Variants in C12orf42 observed in about 807,000 individuals in gnomAD.
C12orf42 encodes chromosome 12 open reading frame 42.
A neutral mutation model predicts 21.6 loss-of-function variants in C12orf42; 25 were observed. The observed-to-expected ratio is 1.16, with a 90% CI of 0.84 to 1.62. The LOEUF (loss-of-function observed/expected upper bound fraction) is 1.62, where lower values mean the gene tolerates loss of function less well. Ranked by LOEUF, C12orf42 falls within the 40% of genes most tolerant of loss-of-function variation. The pLI is 0.00. For synonymous variants in C12orf42, 174 were observed against 175.0 expected (o/e 0.99, Z 0.05); for missense variants, 483 against 459.3 (o/e 1.05, Z -0.47).
downstream of C12orf42, among the ~76,000 whole-genome samples, chr12:103,298,787 A>G (rs1048663655): frequency 3.3e-5 from 5 of 152,188 alleles, no homozygotes; most frequent in African/African-American, 9.6e-5. Flanking sequence ...GATTTTGGTC[A>G]GTTCCAATAA....
chr12:103,452,724 C>CA (rs1182415184), intron 2 of C12orf42, among the ~76,000 whole-genome samples: 1 of 152,008 alleles, frequency 6.6e-6, no homozygotes, highest in African/African-American at 2.4e-5. Context: ...ATGTCCTTTG[C>CA]AGGGACATGG....
chr12:103,336,781 C>T (rs894145792), intron 4 of C12orf42, among the ~76,000 whole-genome samples: 4 of 152,072 alleles, frequency 2.6e-5, no homozygotes, highest in South Asian at 2.1e-4. Context: ...AAAAATGCAT[C>T]GCTGGGAAAA....
the C12orf42 span, among the ~76,000 whole-genome samples, chr12:103,117,724 A>G: frequency 7.2e-5 from 11 of 152,314 alleles, no homozygotes; most frequent in African/African-American, 1.9e-4. Flanking sequence ...TGCTTTCCAT[A>G]GTGGTGGAGG....
chr12:103,087,572 G>C, the C12orf42 span, among the ~76,000 whole-genome samples: 1 of 152,320 alleles, frequency 6.6e-6, no homozygotes, highest in East Asian at 1.9e-4. Flanking sequence ...TCTGAGAGTG[G>C]TTTACAATAA....
At chr12:103,071,343 G>T in the C12orf42 span, among the ~76,000 whole-genome samples, 2 of 151,966 alleles carry the variant, frequency 1.3e-5, no homozygotes, top group African/African-American at 4.8e-5. Context: ...ATAAATACAC[G>T]CAGAGACTCT....
At chr12:103,478,574 C>A in intron 1 of C12orf42, 127 bp from the exon 2 acceptor site, 15 of 403,744 alleles carry the variant, frequency 3.7e-5, no homozygotes, top group Non-Finnish European at 4.7e-5. Flanking sequence ...TTGCCAGTGA[C>A]TTTCAATAAT....
the C12orf42 span, among the ~76,000 whole-genome samples, chr12:103,207,468 G>C: frequency 6.6e-6 from 1 of 152,190 alleles, no homozygotes; most frequent in Admixed American, 6.5e-5. Context: ...GCACAGATGT[G>C]CTCACATTCA....
the C12orf42 span, among the ~76,000 whole-genome samples, chr12:103,536,347 T>C: frequency 6.6e-6 from 1 of 152,080 alleles, no homozygotes; most frequent in Admixed American, 6.5e-5. Context: ...AGTGGTAATA[T>C]CAGGTAAAGG....
At chr12:103,238,227 CT>C (rs112024543) in intron 10 of C12orf42, among the ~76,000 whole-genome samples, 715 of 144,602 alleles carry the variant, frequency 4.9e-3, no homozygotes, top group Middle Eastern at 0.014. Flanking sequence ...CGGCTACATC[CT>C]TTTTTTTTTT....
Position 103,473,033 on chromosome 12 carries a change from T to C in C12orf42, c.78+5316A>G, listed in dbSNP as rs117420240. 3.3e-3 allele frequency among the ~76,000 whole-genome samples: 502 copies of C among 152,314 alleles called. 4 individuals carry two copies. The highest frequency in any genetic ancestry group is 6.2e-3 in the Non-Finnish European group (424 of 68,026). On this transcript the variant is annotated intron_variant, in intron 2 of 5. Coordinates refer to ENST00000548883, the MANE Select transcript of C12orf42 (RefSeq NM_198521.5). ...GGATGCCCAAAATATTCTCATGCTA[T>C]AAATCTCAGAGGAAGGCAGTGTGAG...
chr12:103,385,103 C>G (rs1050739345), intron 3 of C12orf42, among the ~76,000 whole-genome samples: 15 of 152,272 alleles, frequency 9.9e-5, no homozygotes, highest in African/African-American at 3.4e-4. Context: ...TCCCAAAACC[C>G]AGAGACGGTT....
chr12:103,516,974 T>C, the C12orf42 span, among the ~76,000 whole-genome samples: 1 of 152,276 alleles, frequency 6.6e-6, no homozygotes, highest in East Asian at 1.9e-4. Context: ...CTGAGAGCTA[T>C]TAAAGGGACT....
the C12orf42 span, among the ~76,000 whole-genome samples, chr12:103,215,608 G>A: frequency 2.6e-5 from 4 of 152,204 alleles, no homozygotes; most frequent in Non-Finnish European, 5.9e-5. Flanking sequence ...TCCTGGATAA[G>A]AGATTCTGCT....
At chr12:103,475,089 T>A (rs1953941621) in intron 2 of C12orf42, among the ~76,000 whole-genome samples, 1 of 152,208 alleles carries the variant, frequency 6.6e-6, no homozygotes, top group African/African-American at 2.4e-5. Flanking sequence ...TCCTCATTGG[T>A]GGAACCATGT....
intron 3 of C12orf42, 135 bp from the exon 4 acceptor site, chr12:103,369,133 TGAAAC>T: frequency 1.8e-6 from 1 of 550,234 alleles, no homozygotes; most frequent in Non-Finnish European, 3.3e-6. Context: ...ATTCTTTAAA[TGAAAC>T]AATCCTGAAA....
intron 2 of C12orf42, among the ~76,000 whole-genome samples, chr12:103,437,118 A>T (rs1421644832): frequency 6.6e-6 from 1 of 151,748 alleles, no homozygotes; most frequent in Non-Finnish European, 1.5e-5. Context: ...AAACCGCTCA[A>T]CTACATGGAA....
At chr12:103,272,044 T>C (rs975510105) in intron 5 of C12orf42, among the ~76,000 whole-genome samples, 1 of 152,166 alleles carries the variant, frequency 6.6e-6, no homozygotes, top group Admixed American at 6.5e-5. Context: ...ATTTACATGA[T>C]TGGCCAACTC....
At chr12:103,558,781 G>A in the C12orf42 span, 2 of 152,256 alleles carry the variant, frequency 1.3e-5, no homozygotes, top group East Asian at 3.9e-4. Flanking sequence ...CCTACATTAG[G>A]GAGAGAATTT....
the C12orf42 span, among the ~76,000 whole-genome samples, chr12:103,061,537 A>T: frequency 6.6e-6 from 1 of 150,430 alleles, no homozygotes; most frequent in Admixed American, 6.6e-5. Flanking sequence ...ATTTTGCTTT[A>T]TGATCATTTT....
Sources: allele counts gnomAD v4.1 joint callset (sites outside exome capture counted in the v4.1 genomes callset), GRCh38; gene constraint gnomAD v4.1.1; transcripts MANE v1.5; gene names NCBI Gene and HGNC (gene_info 2026-07-23, HGNC 2026-07-21).